Variants in KLHL7 observed in about 807,000 individuals in gnomAD.
KLHL7 encodes the protein kelch like family member 7, also known as kelch-like protein 7.
Under a neutral mutation model 67.4 loss-of-function variants are expected in KLHL7, and 44 were observed. The observed-to-expected ratio is 0.65, with a 90% CI of 0.51 to 0.84. The LOEUF (loss-of-function observed/expected upper bound fraction) is 0.84. KLHL7 is among the 40% of genes least tolerant of loss of function. The pLI is 0.00. For synonymous variants in KLHL7, 252 were observed against 243.3 expected (o/e 1.04, Z -0.33); for missense variants, 362 against 718.1 (o/e 0.50, Z 5.67).
chr7:23,154,224 G>A (rs1784628446), intron 7 of KLHL7, among the ~76,000 whole-genome samples: 1 of 152,142 alleles, frequency 6.6e-6, no homozygotes, highest in South Asian at 2.1e-4. Context: ...GCATGGCAGT[G>A]CATGTCTGAA....
At chr7:23,131,654 C>CT (rs1233796930) in intron 4 of KLHL7, among the ~76,000 whole-genome samples, 3 of 151,610 alleles carry the variant, frequency 2.0e-5, no homozygotes, top group African/African-American at 7.3e-5. Flanking sequence ...CAATTACACT[C>CT]TAAGTTATTT....
chr7:23,140,584 A>AC lies in KLHL7; in HGVS notation c.443-185_443-184insC, dbSNP rs1784146625. 2.2e-5 allele frequency: 15 copies of AC among 681,982 alleles called. 1 individual carries two copies. The highest frequency in any genetic ancestry group is 4.0e-4 in the Middle Eastern group (1 of 2,522). The allele number at this position is 681,982 out of a possible 1,614,324, so 42.2% of individuals were successfully genotyped here. On this transcript the variant is annotated intron_variant, in intron 4 of 10. Transcript: ENST00000339077. ...AAAACAAAAAAACAAAAAACAAAAA[A>AC]AAAACCAGTCTTTTATAAGACAGTA...
intron 1 of KLHL7, among the ~76,000 whole-genome samples, chr7:23,123,334 A>G (rs1168009883): frequency 1.3e-5 from 2 of 152,210 alleles, no homozygotes; most frequent in Non-Finnish European, 2.9e-5. Context: ...TATGTTCTCA[A>G]TTTCATCAAG....
At chr7:23,136,418 T>A (rs1424594829) in intron 4 of KLHL7, among the ~76,000 whole-genome samples, 1 of 152,206 alleles carries the variant, frequency 6.6e-6, no homozygotes, top group Admixed American at 6.5e-5. Context: ...AGAAAGGGAA[T>A]TTATGGAATG....
Position 23,143,883 on chromosome 7 carries a change from C to A in KLHL7, c.651C>A (p.Tyr217Ter). The part of the protein sequence containing the change: ...VYDAAVRWLK[Y>*]DEPNRQPFMV... The stretch of plus-strand genomic sequence containing the variant: ...ATGCTGCAGTCAGGTGGTTGAAATA[C>A]GATGAACCTAATCGCCAGCCATTTA... The change falls in exon 6 of 11, where the codon TAC (tyrosine) becomes TAA (stop). Residue 217 changes from tyrosine (Y) to a stop codon, truncating the protein, a stop_gained. Transcript: ENST00000339077. LOFTEE classifies it high-confidence loss of function. The A allele has an allele frequency of 2.5e-6, 4 of 1,614,088 alleles. No homozygotes were observed. The highest frequency in any genetic ancestry group is 3.4e-6 in the Non-Finnish European group (4 of 1,179,982).
intron 4 of KLHL7, among the ~76,000 whole-genome samples, chr7:23,139,087 C>G (rs1163209059): frequency 1.2e-5 from 1 of 83,648 alleles, no homozygotes; most frequent in Admixed American, 1.0e-4. Flanking sequence ...TTTATTAATG[C>G]TAAAAAAAAA....
At chr7:23,130,497 T>C (rs1349357138) in intron 4 of KLHL7, among the ~76,000 whole-genome samples, 2 of 152,222 alleles carry the variant, frequency 1.3e-5, no homozygotes, top group Non-Finnish European at 2.9e-5. Context: ...TATACAATTA[T>C]CAATTAGCAT....
intron 4 of KLHL7, among the ~76,000 whole-genome samples, chr7:23,131,600 G>A (rs1395235508): frequency 1.3e-5 from 2 of 151,976 alleles, no homozygotes; most frequent in African/African-American, 4.8e-5. Flanking sequence ...GGAGAATGGG[G>A]TATCCATCCC....
rs1315992000 is a variant in KLHL7 at position 23,177,486 on chromosome 7, G to T, written c.*3188G>T. On this transcript the variant is annotated 3_prime_UTR_variant, in exon 11 of 11. Coordinates refer to ENST00000339077, the MANE Select transcript of KLHL7 (RefSeq NM_001031710.3). ...ATCTGTATCATAATTCCCAATTAGT[G>T]TCTTTTTCTGCCTTGGAAATTTCTA... 1 of 151,986 alleles carries T rather than the reference G, an allele frequency of 6.6e-6. No individual in the cohort carries two copies. Among genetic ancestry groups the T allele is most frequent in the Admixed American group, 6.6e-5 (1 of 15,246 alleles). 9.4% of individuals were successfully genotyped at this position (151,986 alleles called of 1,614,324 possible). A position where few individuals can be genotyped will look rare whatever the true frequency, so the allele number is the denominator to read the frequency against.
intron 7 of KLHL7, among the ~76,000 whole-genome samples, chr7:23,154,771 CAG>C (rs1784648125): frequency 1.3e-5 from 2 of 152,154 alleles, no homozygotes; most frequent in African/African-American, 4.8e-5. Context: ...TAGATAGAAA[CAG>C]AAATATGCGT....
At chr7:23,163,181 T>G (rs1227190205) in intron 7 of KLHL7, among the ~76,000 whole-genome samples, 1 of 151,944 alleles carries the variant, frequency 6.6e-6, no homozygotes, top group Non-Finnish European at 1.5e-5. Flanking sequence ...TTTTTTTTGC[T>G]CGTTTGGAGA....
chr7:23,152,903 G>A (rs763211397), intron 7 of KLHL7, among the ~76,000 whole-genome samples: 1 of 152,190 alleles, frequency 6.6e-6, no homozygotes, highest in Non-Finnish European at 1.5e-5. Flanking sequence ...CTGGGGAAGA[G>A]CAAATACCAC....
At chr7:23,163,021 T>TGGAAA (rs1306038790) in intron 7 of KLHL7, among the ~76,000 whole-genome samples, 1 of 152,212 alleles carries the variant, frequency 6.6e-6, no homozygotes, top group Non-Finnish European at 1.5e-5. Context: ...TTTACTACAG[T>TGGAAA]ATTTCTATTA....
intron 6 of KLHL7, among the ~76,000 whole-genome samples, chr7:23,146,246 T>C (rs890984870): frequency 3.3e-5 from 5 of 152,224 alleles, no homozygotes; most frequent in African/African-American, 1.2e-4. Context: ...CCTGCACTTC[T>C]AGGTACTTAG....
At chr7:23,142,369 A>C (rs900509385) in intron 5 of KLHL7, among the ~76,000 whole-genome samples, 1 of 152,196 alleles carries the variant, frequency 6.6e-6, no homozygotes, top group African/African-American at 2.4e-5. Flanking sequence ...AAAAATTTGC[A>C]CTTAGCAATG....
intron 4 of KLHL7, chr7:23,129,518 C>A: frequency 4.0e-6 from 1 of 251,940 alleles, no homozygotes; most frequent in South Asian, 5.4e-5. Flanking sequence ...TGTATGTGCC[C>A]TTGGAGGTCA....
At chr7:23,169,077 A>G (rs1785081875) in intron 9 of KLHL7, among the ~76,000 whole-genome samples, 1 of 152,132 alleles carries the variant, frequency 6.6e-6, no homozygotes, top group African/African-American at 2.4e-5. Flanking sequence ...CCTGGCCAAC[A>G]TGGCAAAATC....
rs747150170 is a variant in KLHL7, at chr7:23,140,675, CAACT to C, written c.443-91_443-88del. On this transcript the variant is annotated intron_variant, in intron 4 of 10. Transcript: ENST00000339077. ...CGGATCCAGATTTATGAAATTTACTCAACTAATTTTCCTGAAGTCATGCTTCATC... is the reference window on the plus strand; with the variant it reads ...CGGATCCAGATTTATGAAATTTACTCAATTTTCCTGAAGTCATGCTTCATC... 7.1e-6 allele frequency: 7 copies of C among 991,598 alleles called. No homozygotes were observed. In the Admixed American group the frequency reaches 1.3e-4, roughly 19 times the overall value. 61.4% of individuals were successfully genotyped at this position (991,598 alleles called of 1,614,324 possible).
intron 4 of KLHL7, among the ~76,000 whole-genome samples, chr7:23,135,314 T>C (rs1783938828): frequency 1.3e-5 from 2 of 152,234 alleles, no homozygotes; most frequent in Non-Finnish European, 2.9e-5. Context: ...CTGTTAAGTT[T>C]TTTTTAAATG....
Sources: gnomAD v4.1 joint callset for allele counts (sites outside exome capture counted in the v4.1 genomes callset) on GRCh38, gnomAD v4.1.1 for gene constraint, MANE v1.5 for transcripts, NCBI Gene and HGNC (gene_info 2026-07-23, HGNC 2026-07-21) for gene names.